The following ITGA5 variants were observed in gnomAD, a reference collection of about 807,000 sequenced individuals.
The protein encoded by ITGA5 is integrin alpha-5.
In ITGA5, 55 loss-of-function variants were observed where a neutral mutation model predicts 146.3. The ratio of observed to expected loss-of-function variants is 0.38; its 90% confidence interval spans 0.30 to 0.47. ITGA5 has a LOEUF of 0.47. Among genes scored for constraint, ITGA5 ranks in the 20% least tolerant of loss-of-function variants. ITGA5 has a pLI of 0.99. For missense variants in ITGA5, 1,131 were observed against 1,329.0 expected, an observed-to-expected ratio of 0.85 and a Z score of 2.32; for synonymous variants, 500 against 531.8, an observed-to-expected ratio of 0.94 and a Z score of 0.82.
rs746074666 is a variant in ITGA5 at position 54,402,195 on chromosome 12, G to A, written c.2118C>T (p.Leu706=). ...TAPPEAEYSG[L]VRHPGNFSSL... ...CTCATCTCACCCCTGGGTGTCTGAC[G>A]AGTCCTGAGTACTCAGCCTCTGGAG... Residue 706 remains leucine (L), a synonymous_variant, in exon 20 of 30, where the codon CTC becomes CTT. Coordinates refer to ENST00000293379, the MANE Select transcript of ITGA5 (RefSeq NM_002205.5). 6.8e-6 allele frequency: 11 copies of A among 1,613,378 alleles called. No individual in the cohort carries two copies. The highest frequency in any genetic ancestry group is 2.2e-5 in the East Asian group (1 of 44,860).
chr12:54,403,839 G>T lies in ITGA5; in HGVS notation c.1622-60C>A, dbSNP rs1955823260. 1.2e-6 allele frequency: 2 copies of T among 1,609,942 alleles called. No homozygotes were observed. The highest frequency in any genetic ancestry group is 1.7e-6 in the Non-Finnish European group (2 of 1,176,542). ...TCTTTCCTCATCTTTTCAGAGAGAA[G>T]AAATGTCCCCAGGTCCCCAGTCCCT... On this transcript the variant is annotated intron_variant, in intron 16 of 29. Coordinates refer to ENST00000293379, the MANE Select transcript of ITGA5 (RefSeq NM_002205.5). This position sits in a 1 kb window ranked among gnomAD's most constrained non-coding sequence, Gnocchi z 4.9.
intron 2 of ITGA5, among the ~76,000 whole-genome samples, chr12:54,410,347 C>CTT (rs68135389): frequency 0.029 from 3,896 of 132,948 alleles, 164 homozygotes; most frequent in Admixed American, 0.11. Context: ...GTTCCACCTC[C>CTT]TTTTTTTTTT....
Position 54,405,212 on chromosome 12 carries a change from G to A in ITGA5, c.1179C>T (p.Gly393=). 6.2e-7 allele frequency: 1 copy of A among 1,612,272 alleles called. No homozygotes were observed. The highest frequency in any genetic ancestry group is 8.5e-7 in the Non-Finnish European group (1 of 1,178,726). Reference sequence around the variant, plus strand: ...GGTCCCCCAGGGGGGTCAAGGAGCTGCCAAATCGGCCAAACTCATCATGGC... The same window carrying A: ...GGTCCCCCAGGGGGGTCAAGGAGCTACCAAATCGGCCAAACTCATCATGGC... The part of the protein sequence containing the change: ...LTGHDEFGRF[G]SSLTPLGDLD... The change falls in exon 12 of 30, where the codon GGC becomes GGT. Residue 393 remains glycine (G), a synonymous_variant. Coordinates refer to ENST00000293379, the MANE Select transcript of ITGA5 (RefSeq NM_002205.5).
chr12:54,402,910 GT>G, intron 19 of ITGA5, 72 bp downstream of exon 19: 1 of 1,255,928 alleles, frequency 8.0e-7, no homozygotes, highest in Non-Finnish European at 1.2e-6. Context: ...GACACAGCTA[GT>G]ATGTCCCTAG....
rs1017084238 is a variant in ITGA5 at position 54,404,046 on chromosome 12, C to G, written c.1566-80G>C. On this transcript the variant is annotated intron_variant, in intron 15 of 29. Coordinates refer to ENST00000293379, the MANE Select transcript of ITGA5 (RefSeq NM_002205.5). ...CCTCTACCTATCTCCCAGCCAGACCCAGACTAGGACACCACCATTTTCCCC... is the reference window on the plus strand; with the variant it reads ...CCTCTACCTATCTCCCAGCCAGACCGAGACTAGGACACCACCATTTTCCCC... The G allele has an allele frequency of 3.2e-6, 5 of 1,570,700 alleles. No homozygotes were observed. In the Admixed American group the frequency reaches 8.4e-5, roughly 26 times the overall value.
chr12:54,403,222 G>A lies in ITGA5; in HGVS notation c.1879C>T (p.Leu627=). The change falls in exon 18 of 30, where the codon CTA becomes TTA. Residue 627 remains leucine, a synonymous_variant. Transcript: ENST00000293379. This position sits in a 1 kb window ranked among gnomAD's most constrained non-coding sequence, Gnocchi z 4.9. ...PVDSHGLRPA[L]HYQSKSRIED... ...ATCCGGCTCTTGCTCTGATAATGTA[G>A]GGCTGGCCTGAGGCCGTGGCTGTCC... 6.4e-7 allele frequency: 1 copy of A among 1,567,632 alleles called. No individual in the cohort carries two copies. The highest frequency in any genetic ancestry group is 8.6e-7 in the Non-Finnish European group (1 of 1,158,466).
Position 54,409,161 on chromosome 12 carries a change from C to T in ITGA5, c.583+71G>A. ...GGGGCACATGGTAGGTGCGAGTCAA[C>T]CCTAAGTATGTGAGACACTTCAAGT... On this transcript the variant is annotated intron_variant, in intron 4 of 29. Coordinates refer to ENST00000293379, the MANE Select transcript of ITGA5 (RefSeq NM_002205.5). This position sits in a 1 kb window ranked among gnomAD's most constrained non-coding sequence, Gnocchi z 4.7. 6.4e-7 allele frequency: 1 copy of T among 1,565,270 alleles called. No individual in the cohort carries two copies. The highest frequency in any genetic ancestry group is 1.2e-5 in the South Asian group (1 of 82,340).
chr12:54,396,513 T>C, intron 29 of ITGA5, 137 bp from the exon 30 acceptor site: 1 of 684,736 alleles, frequency 1.5e-6, no homozygotes, highest in Non-Finnish European at 2.6e-6. Flanking sequence ...GAATTCAGGC[T>C]AGGACTACCC....
Position 54,403,200 on chromosome 12 carries a change from C to T in ITGA5, c.1901G>A (p.Arg634Gln), listed in dbSNP as rs142874592. 214 of 1,559,876 alleles carry T rather than the reference C, an allele frequency of 1.4e-4. No homozygotes were observed. The African/African-American group carries it at 2.2e-3, about 16-fold the overall frequency. The part of the protein sequence containing the change: ...RPALHYQSKS[R>Q]IEDKAQILLD... Reference sequence around the variant, plus strand: ...CCCTGTCCTCACCTTGTCCTCTATCCGGCTCTTGCTCTGATAATGTAGGGC... The same window carrying T: ...CCCTGTCCTCACCTTGTCCTCTATCTGGCTCTTGCTCTGATAATGTAGGGC... The change falls in exon 18 of 30, where the codon CGG (arginine) becomes CAG (glutamine). Residue 634 changes from arginine (R) to glutamine (Q), a missense_variant. Physicochemically the swap from Arg to Gln is conservative, Grantham distance 43. Coordinates refer to ENST00000293379, the MANE Select transcript of ITGA5 (RefSeq NM_002205.5). This position sits in a 1 kb window ranked among gnomAD's most constrained non-coding sequence, Gnocchi z 4.9.
chr12:54,415,899 C>T (rs2120579888), intron 1 of ITGA5, among the ~76,000 whole-genome samples: 1 of 152,302 alleles, frequency 6.6e-6, no homozygotes, highest in South Asian at 2.1e-4. Flanking sequence ...CTGAGACTGG[C>T]CTGCCTCTCA....
At position 54,419,112 on chromosome 12, in the gene ITGA5, C is replaced by T. The variant is rs1956046377; in HGVS notation, c.87G>A (p.Leu29=). 1 of 1,589,238 alleles carries T rather than the reference C, an allele frequency of 6.3e-7. No individual in the cohort carries two copies. Among genetic ancestry groups the T allele is most frequent in the African/African-American group, 1.4e-5 (1 of 73,834 alleles). ...TGGGTGGCGGCGGCAGCAGCAGCAA[C>T]AGCAGCGGCAGCAGCGGGGGTCGGC... The part of the protein sequence containing the change: ...PRRRPPLLPL[L]LLLLPPPPRV... Residue 29 remains leucine (L), a synonymous_variant, in exon 1 of 30, where the codon CTG becomes CTA. Coordinates refer to ENST00000293379, the MANE Select transcript of ITGA5 (RefSeq NM_002205.5).
chr12:54,409,647 T>C lies in ITGA5; in HGVS notation c.350-50A>G, dbSNP rs1017405195. 9 of 1,304,532 alleles carry C rather than the reference T, an allele frequency of 6.9e-6. No homozygotes were observed. In the African/African-American group the frequency reaches 1.3e-4, roughly 19 times the overall value. The allele number at this position is 1,304,532 out of a possible 1,614,324, so 80.8% of individuals were successfully genotyped here. ...CTTACTGAGCCATGGACATTTGAGCTCTAGGGCAGCCCCTACCCTCAGCCT... is the reference window on the plus strand; with the variant it reads ...CTTACTGAGCCATGGACATTTGAGCCCTAGGGCAGCCCCTACCCTCAGCCT... On this transcript the variant is annotated intron_variant, in intron 2 of 29. Transcript: ENST00000293379. The surrounding 1 kb of genome is among the most constrained non-coding windows in gnomAD (Gnocchi z 4.7).
intron 28 of ITGA5, among the ~76,000 whole-genome samples, 157 bp from the exon 29 acceptor site, chr12:54,397,644 T>G (rs573694421): frequency 6.6e-6 from 1 of 152,312 alleles, no homozygotes. Context: ...GTTCCAGATC[T>G]GTTGCCATCA....
intron 9 of ITGA5, among the ~76,000 whole-genome samples, chr12:54,406,536 A>G (rs889651634): frequency 6.6e-6 from 1 of 152,166 alleles, no homozygotes; most frequent in Non-Finnish European, 1.5e-5. Flanking sequence ...TTGGAAATCC[A>G]GTGGCCCCCT....
chr12:54,414,103 G>T (rs1191372970), intron 1 of ITGA5, among the ~76,000 whole-genome samples: 1 of 152,182 alleles, frequency 6.6e-6, no homozygotes, highest in Non-Finnish European at 1.5e-5. Flanking sequence ...GCAGGCAAGG[G>T]ACACAGACCT....
At chr12:54,411,216 T>C (rs562061428) in intron 2 of ITGA5, among the ~76,000 whole-genome samples, 3 of 152,260 alleles carry the variant, frequency 2.0e-5, no homozygotes, top group Non-Finnish European at 2.9e-5. Flanking sequence ...CTCTCTCCAA[T>C]GTTTGCTAGC....
intron 2 of ITGA5, among the ~76,000 whole-genome samples, chr12:54,410,741 T>C (rs1317324498): frequency 1.3e-5 from 2 of 150,946 alleles, no homozygotes; most frequent in Non-Finnish European, 1.5e-5. Flanking sequence ...TTTTTTTTTT[T>C]CTTGAGACAG....
chr12:54,418,180 C>T (rs1956030086), intron 1 of ITGA5, among the ~76,000 whole-genome samples: 3 of 152,174 alleles, frequency 2.0e-5, no homozygotes, highest in African/African-American at 7.2e-5. Context: ...CTCCCAAGAG[C>T]CAGAGGAAGA....
intron 10 of ITGA5, 46 bp from the exon 11 acceptor site, chr12:54,405,762 A>G (rs1413038246): frequency 6.2e-7 from 1 of 1,608,548 alleles, no homozygotes; most frequent in East Asian, 2.2e-5. Context: ...TAGAAGGTTC[A>G]ATCCACAGGA....
Sources: gnomAD v4.1 joint callset for allele counts (sites outside exome capture counted in the v4.1 genomes callset) on GRCh38, gnomAD v4.1.1 for gene constraint, Gnocchi (gnomAD v3.1) non-coding constraint, MANE v1.5 for transcripts, NCBI Gene and HGNC (gene_info 2026-07-23, HGNC 2026-07-21) for gene names.